Variants in RBFOX2 observed in about 807,000 individuals in gnomAD.
The protein encoded by RBFOX2 is RNA binding protein fox-1 homolog 2.
In RBFOX2, 10 loss-of-function variants were observed where a neutral mutation model predicts 49.1. The ratio of observed to expected loss-of-function variants is 0.20; its 90% CI spans 0.13 to 0.35. RBFOX2 has a LOEUF of 0.35. Ranked by LOEUF, RBFOX2 falls within the 10% of genes least tolerant of loss-of-function variation. RBFOX2 has a pLI of 1.00. For missense variants in RBFOX2, 323 were observed against 486.9 expected (o/e 0.66, Z 3.17); for synonymous variants, 183 against 187.4 (o/e 0.98, Z 0.19).
chr22:35,778,632 A>G (rs2147043547), intron 3 of RBFOX2, among the ~76,000 whole-genome samples: 1 of 151,920 alleles, frequency 6.6e-6, no homozygotes, highest in East Asian at 1.9e-4. Context: ...GATGCATTCT[A>G]TAATTTGCTT....
At chr22:35,939,273 A>C, upstream of RBFOX2, 1 of 476,254 alleles carries the variant, frequency 2.1e-6, no homozygotes, top group Non-Finnish European at 4.2e-6. Flanking sequence ...TAGCACCCCT[A>C]AACACTAGGA....
chr22:35,776,784 C>T (rs542048812), intron 4 of RBFOX2, among the ~76,000 whole-genome samples: 1 of 152,226 alleles, frequency 6.6e-6, no homozygotes. Flanking sequence ...TATTTATAGG[C>T]TTGGCTATGG....
chr22:35,902,443 G>GA (rs1199940950), intron 1 of RBFOX2, among the ~76,000 whole-genome samples: 13 of 152,096 alleles, frequency 8.5e-5, no homozygotes, highest in Admixed American at 6.5e-5. Context: ...TGTTGCTGAA[G>GA]AAAAATCACA....
intron 1 of RBFOX2, among the ~76,000 whole-genome samples, chr22:35,827,434 T>C (rs909824170): frequency 1.3e-5 from 2 of 152,258 alleles, no homozygotes; most frequent in African/African-American, 4.8e-5. Flanking sequence ...TAGGTATTTC[T>C]GCTAATGACT....
At chr22:35,778,308 A>G (rs774405913) in intron 3 of RBFOX2, among the ~76,000 whole-genome samples, 2 of 152,238 alleles carry the variant, frequency 1.3e-5, no homozygotes, top group Non-Finnish European at 2.9e-5. Context: ...AGTTATTCAC[A>G]GTGTTAGCCC....
At chr22:36,010,610 A>G (rs907473484) in intron 1 of RBFOX2, among the ~76,000 whole-genome samples, 1 of 152,146 alleles carries the variant, frequency 6.6e-6, no homozygotes, top group African/African-American at 2.4e-5. Flanking sequence ...GCCAACTCCG[A>G]AAGGCACATT....
intron 1 of RBFOX2, among the ~76,000 whole-genome samples, chr22:35,935,491 G>A (rs1316544159): frequency 6.6e-6 from 1 of 152,176 alleles, no homozygotes; most frequent in African/African-American, 2.4e-5. Flanking sequence ...TCCTTCAGGT[G>A]TTTAACTCCA....
chr22:35,835,901 T>C (rs1000623883), intron 1 of RBFOX2, among the ~76,000 whole-genome samples: 5 of 151,982 alleles, frequency 3.3e-5, no homozygotes, highest in Non-Finnish European at 5.9e-5. Context: ...TATGGAGCAA[T>C]GTAGAAGAAT....
chr22:35,830,410 G>A (rs1956554421), intron 1 of RBFOX2, among the ~76,000 whole-genome samples: 1 of 152,204 alleles, frequency 6.6e-6, no homozygotes, highest in Non-Finnish European at 1.5e-5. Flanking sequence ...AATCATGTGG[G>A]AGAAAAATGC....
chr22:36,001,401 T>C (rs2150156637), intron 1 of RBFOX2, among the ~76,000 whole-genome samples: 1 of 152,188 alleles, frequency 6.6e-6, no homozygotes, highest in African/African-American at 2.4e-5. Flanking sequence ...TGAACCTGAG[T>C]TTATGACAAA....
At chr22:35,891,802 G>C (rs2149375494) in intron 1 of RBFOX2, among the ~76,000 whole-genome samples, 1 of 150,846 alleles carries the variant, frequency 6.6e-6, no homozygotes, top group East Asian at 1.9e-4. Flanking sequence ...GATGGCGAGA[G>C]AGGGAAAATA....
At position 35,777,254 on chromosome 22, in the gene RBFOX2, C is replaced by T. The variant is rs535684480; in HGVS notation, c.453+771G>A. 3.9e-5 allele frequency among the ~76,000 whole-genome samples: 6 copies of T among 152,184 alleles called. No individual in the cohort carries two copies. In the South Asian group the frequency reaches 1.0e-3, roughly 26 times the overall value. On this transcript the variant is annotated intron_variant, in intron 4 of 11. Coordinates refer to ENST00000405409, the Ensembl canonical transcript of RBFOX2. ...CTCGAACTCCTGACCTCAGGTGATC[C>T]GCCCGCCTCAGCCTCCCAAAGTGCT...
chr22:35,871,393 C>T (rs1453806757), intron 1 of RBFOX2, among the ~76,000 whole-genome samples: 1 of 152,154 alleles, frequency 6.6e-6, no homozygotes, highest in Non-Finnish European at 1.5e-5. Context: ...GAGCTTCAGA[C>T]TGCATAACCT....
intron 1 of RBFOX2, among the ~76,000 whole-genome samples, chr22:35,877,055 C>T (rs548856852): frequency 3.9e-5 from 6 of 152,160 alleles, no homozygotes; most frequent in Non-Finnish European, 7.4e-5. Flanking sequence ...GTTTTAGTCA[C>T]TGGTGCAACT....
Position 35,938,834 on chromosome 22 carries a change from A to G in RBFOX2, c.-34+13T>C. The stretch of plus-strand genomic sequence containing the variant: ...CACATACATCATCTGAGTTACAAAC[A>G]GCAGATACCAACCTGGCTGTCCCGC... On this transcript the variant is annotated intron_variant, in intron 1 of 13. Coordinates refer to the RBFOX2 transcript ENST00000359369. The G allele has an allele frequency of 6.2e-7, 1 of 1,610,046 alleles. No homozygotes were observed. The highest frequency in any genetic ancestry group is 8.5e-7 in the Non-Finnish European group (1 of 1,176,248).
intron 2 of RBFOX2, among the ~76,000 whole-genome samples, chr22:35,782,239 T>C (rs1395858180): frequency 6.6e-6 from 1 of 152,196 alleles, no homozygotes; most frequent in Non-Finnish European, 1.5e-5. Flanking sequence ...ATTCCCTCTA[T>C]TAGCTCTAGA....
At chr22:35,833,656 TTGAC>T (rs1385871131) in intron 1 of RBFOX2, among the ~76,000 whole-genome samples, 6 of 152,312 alleles carry the variant, frequency 3.9e-5, no homozygotes, top group Non-Finnish European at 7.4e-5. Context: ...GTATGTAAAA[TTGAC>T]TGGCACAAAG....
intron 1 of RBFOX2, among the ~76,000 whole-genome samples, chr22:35,849,960 T>C (rs1330367743): frequency 6.6e-6 from 1 of 152,048 alleles, no homozygotes; most frequent in Non-Finnish European, 1.5e-5. Context: ...AGGCAGAGAA[T>C]GACAGCCAGG....
At chr22:35,780,640 G>A (rs987577826) in intron 3 of RBFOX2, among the ~76,000 whole-genome samples, 6 of 152,036 alleles carry the variant, frequency 3.9e-5, no homozygotes, top group African/African-American at 1.2e-4. Flanking sequence ...GAGCAACAAC[G>A]TATTATAAAA....
Sources: gnomAD v4.1 joint callset for allele counts (sites outside exome capture counted in the v4.1 genomes callset) on GRCh38, gnomAD v4.1.1 for gene constraint, MANE v1.5 for transcripts, NCBI Gene and HGNC (gene_info 2026-07-23, HGNC 2026-07-21) for gene names.